The following LPCAT1 variants were observed in gnomAD, a reference collection of about 807,000 sequenced individuals.
LPCAT1 encodes lysophosphatidylcholine acyltransferase 1.
Under a neutral mutation model 60.9 loss-of-function variants are expected in LPCAT1, and 23 were observed. The ratio of observed to expected loss-of-function variants is 0.38; its 90% CI spans 0.27 to 0.53. The LOEUF (loss-of-function observed/expected upper bound fraction) is 0.53. LPCAT1 is among the 20% of genes least tolerant of loss of function. The pLI is 0.82. For synonymous variants in LPCAT1, 340 were observed against 301.1 expected, an observed-to-expected ratio of 1.13 and a Z score of -1.34; for missense variants, 622 against 723.6, an observed-to-expected ratio of 0.86 and a Z score of 1.61.
In LPCAT1 at chr5:1,487,836, G is replaced by A. The variant is rs777814102; in HGVS notation, c.667+555C>T. Among the ~76,000 whole-genome samples, 2 of 152,150 alleles carry A rather than the reference G, an allele frequency of 1.3e-5. No individual in the cohort carries two copies. Among genetic ancestry groups the A allele is most frequent in the Non-Finnish European group, 2.9e-5 (2 of 68,034 alleles). ...CGCAAAAAGAACAGTGGACTCTGCT[G>A]CCTGCTCACTGCCACACTTCCCACG... On this transcript the variant is annotated intron_variant, in intron 5 of 13. Coordinates refer to ENST00000283415, the MANE Select transcript of LPCAT1 (RefSeq NM_024830.5). This position sits in a 1 kb window ranked among gnomAD's most constrained non-coding sequence, Gnocchi z 6.1.
At chr5:1,486,176 C>G (rs549651503) in intron 5 of LPCAT1, among the ~76,000 whole-genome samples, 16 of 152,166 alleles carry the variant, frequency 1.1e-4, no homozygotes, top group Non-Finnish European at 2.1e-4. Context: ...GTTTCAGGAG[C>G]AACTCAATCC....
chr5:1,468,152 C>T (rs575628381), intron 12 of LPCAT1, among the ~76,000 whole-genome samples: 2 of 152,334 alleles, frequency 1.3e-5, no homozygotes, highest in South Asian at 2.1e-4. Context: ...CTTCCCGGGG[C>T]TCTGCCTCTA....
intron 12 of LPCAT1, among the ~76,000 whole-genome samples, chr5:1,469,839 G>A (rs959838488): frequency 1.5e-4 from 23 of 152,006 alleles, no homozygotes; most frequent in African/African-American, 4.6e-4. Flanking sequence ...AGCAGGGGCC[G>A]CAGGGCCACA....
chr5:1,514,084 A>G (rs1736433589), intron 1 of LPCAT1, among the ~76,000 whole-genome samples: 2 of 152,212 alleles, frequency 1.3e-5, no homozygotes, highest in Non-Finnish European at 2.9e-5. Context: ...CTCCAATGAG[A>G]ACGGGGCCAG....
At chr5:1,514,503 G>A (rs972646601) in intron 1 of LPCAT1, among the ~76,000 whole-genome samples, 2 of 152,176 alleles carry the variant, frequency 1.3e-5, no homozygotes, top group South Asian at 2.1e-4. Context: ...CGCACTGGGG[G>A]ACTCAAAGTC....
chr5:1,482,215 T>C (rs1735174132), intron 6 of LPCAT1, among the ~76,000 whole-genome samples: 1 of 151,550 alleles, frequency 6.6e-6, no homozygotes, highest in Admixed American at 6.6e-5. Context: ...GCGGGAGTCA[T>C]TGCTGTGGAA....
At chr5:1,518,534 G>A (rs1736577396) in intron 1 of LPCAT1, among the ~76,000 whole-genome samples, 2 of 152,204 alleles carry the variant, frequency 1.3e-5, no homozygotes, top group African/African-American at 4.8e-5. Context: ...TAGAGACGGG[G>A]TTTCACCGTG....
Position 1,501,489 on chromosome 5 carries a change from G to A in LPCAT1, c.250C>T (p.Pro84Ser). Residue 84 changes from proline to serine, a missense_variant, in exon 2 of 14, where the codon CCC (proline) becomes TCC (serine). Transcript: ENST00000283415. ...CTCCACAGGGCCGGGGGCTGCTCGG[G>A]TTCCTTCTCCGCAGAGCCCAGGGAT... ...VASLGSAEKE[P>S]EQPPALWRKV... The A allele has an allele frequency of 1.9e-6, 3 of 1,613,570 alleles. No individual in the cohort carries two copies. The highest frequency in any genetic ancestry group is 2.2e-5 in the East Asian group (1 of 44,880).
In LPCAT1 at chr5:1,502,524, A is replaced by G. The variant is rs1736054924; in HGVS notation, c.136-921T>C. On this transcript the variant is annotated intron_variant, in intron 1 of 13. Coordinates refer to ENST00000283415, the MANE Select transcript of LPCAT1 (RefSeq NM_024830.5). The surrounding 1 kb of genome is among the most constrained non-coding windows in gnomAD (Gnocchi z 5.5). ...GCGCAGGTCAATATGGGGGCTCAGG[A>G]AGGCCCCCCAAGCCAGGGCAGGCCC... Among the ~76,000 whole-genome samples the G allele has an allele frequency of 6.6e-6, 1 of 152,106 alleles. No individual in the cohort carries two copies. The highest frequency in any genetic ancestry group is 2.4e-5 in the African/African-American group (1 of 41,402).
intron 5 of LPCAT1, among the ~76,000 whole-genome samples, chr5:1,485,432 G>T (rs554088590): frequency 1.3e-5 from 2 of 152,296 alleles, no homozygotes; most frequent in East Asian, 3.9e-4. Context: ...CAGAGCCCAG[G>T]GCTTCTGAAT....
chr5:1,500,051 C>T (rs1190280474), intron 2 of LPCAT1, among the ~76,000 whole-genome samples: 1 of 152,286 alleles, frequency 6.6e-6, no homozygotes, highest in East Asian at 1.9e-4. Context: ...GGCCCGGTTC[C>T]CCACCAATGC....
At chr5:1,503,762 T>C (rs1355984548) in intron 1 of LPCAT1, among the ~76,000 whole-genome samples, 1 of 151,838 alleles carries the variant, frequency 6.6e-6, no homozygotes, top group East Asian at 1.9e-4. Context: ...CTTCACTGTT[T>C]TTGTCAATGG....
intron 5 of LPCAT1, among the ~76,000 whole-genome samples, chr5:1,486,940 A>G (rs1735392227): frequency 6.6e-6 from 1 of 152,194 alleles, no homozygotes; most frequent in Non-Finnish European, 1.5e-5. Flanking sequence ...GCACACAGTG[A>G]GCTCCTACTG....
chr5:1,463,876 A>G, intron 13 of LPCAT1, 41 bp from the exon 14 acceptor site: 1 of 1,601,234 alleles, frequency 6.2e-7, no homozygotes, highest in Non-Finnish European at 8.5e-7. Context: ...AATGGGGACG[A>G]GCAAATGTCT....
rs144254422 is a variant in LPCAT1 at position 1,479,657 on chromosome 5, G to A, written c.780C>T (p.Leu260=). 3 of 1,612,292 alleles carry A rather than the reference G, an allele frequency of 1.9e-6. No homozygotes were observed. The highest frequency in any genetic ancestry group is 2.7e-5 in the African/African-American group (2 of 74,878). The change falls in exon 8 of 14, where the codon CTC becomes CTT. Residue 260 remains leucine, a synonymous_variant. Coordinates refer to ENST00000283415, the MANE Select transcript of LPCAT1 (RefSeq NM_024830.5). Reference sequence around the variant, plus strand: ...CTTGGTTGTGAAACTGACACAGCGTGAGCCACAGGATTTCCAGCCTTAAAA... The same window carrying A: ...CTTGGTTGTGAAACTGACACAGCGTAAGCCACAGGATTTCCAGCCTTAAAA... ...QGPGALEILW[L]TLCQFHNQVE... is the part of the protein sequence containing the mutation.
chr5:1,479,352 G>A (rs866877689), intron 8 of LPCAT1: 8 of 489,610 alleles, frequency 1.6e-5, no homozygotes, highest in African/African-American at 3.9e-5. Flanking sequence ...TCCAGCCTGG[G>A]CAACAGAGCA....
chr5:1,500,105 G>T lies in LPCAT1; in HGVS notation c.278+1356C>A, dbSNP rs1042126863. ...GGCCAGCGGGCGTGCCCGTGCTCCA[G>T]TAAAACTTTACTTATAGTCAGGCAG... On this transcript the variant is annotated intron_variant, in intron 2 of 13. Coordinates refer to ENST00000283415, the MANE Select transcript of LPCAT1 (RefSeq NM_024830.5). Among the ~76,000 whole-genome samples, 8 of 152,378 alleles carry T rather than the reference G, an allele frequency of 5.3e-5. No homozygotes were observed. The South Asian group carries it at 1.7e-3, about 32-fold the overall frequency.
At chr5:1,490,914 C>A (rs926398357) in intron 3 of LPCAT1, among the ~76,000 whole-genome samples, 1 of 152,222 alleles carries the variant, frequency 6.6e-6, no homozygotes, top group African/African-American at 2.4e-5. Context: ...GACCCCACCA[C>A]GGGCTCCTAG....
At chr5:1,464,011 T>C (rs1734219812) in intron 13 of LPCAT1, among the ~76,000 whole-genome samples, 176 bp from the exon 14 acceptor site, 1 of 152,214 alleles carries the variant, frequency 6.6e-6, no homozygotes, top group African/African-American at 2.4e-5. Context: ...CTTACTTTCT[T>C]TGCAGCGCAC....
Sources: allele counts gnomAD v4.1 joint callset (sites outside exome capture counted in the v4.1 genomes callset), GRCh38; gene constraint gnomAD v4.1.1; non-coding constraint Gnocchi (gnomAD v3.1); transcripts MANE v1.5; gene names NCBI Gene and HGNC (gene_info 2026-07-23, HGNC 2026-07-21).